Variants in GPC3 observed in about 807,000 individuals in gnomAD.
GPC3 encodes the protein glypican 3.
In GPC3, 3 loss-of-function variants were observed where a neutral mutation model predicts 34.4. That is an observed-to-expected ratio of 0.09 (90% CI 0.04 to 0.23). The LOEUF (loss-of-function observed/expected upper bound fraction) is 0.23. Ranked by LOEUF, GPC3 falls within the 10% of genes least tolerant of loss-of-function variation. GPC3 has a pLI of 1.00. For missense variants in GPC3, 351 were observed against 445.6 expected (o/e 0.79, Z 1.91); for synonymous variants, 177 against 174.0 (o/e 1.02, Z -0.13).
At position 133,921,247 on chromosome X, in the gene GPC3, C is replaced by T. The variant is rs191858999; in HGVS notation, c.337+31803G>A. Reference sequence around the variant, plus strand: ...TTTGGTATTGTTTCTCTCCTCTGGTCTCCGGGCCCCTCTTAGCTCTATTCA... The same window carrying T: ...TTTGGTATTGTTTCTCTCCTCTGGTTTCCGGGCCCCTCTTAGCTCTATTCA... On this transcript the variant is annotated intron_variant, in intron 2 of 7. Transcript: ENST00000370818. Among the ~76,000 whole-genome samples, 78 of 111,669 alleles carry T rather than the reference C, an allele frequency of 7.0e-4. 1 individual carries two copies. The highest frequency in any genetic ancestry group is 2.4e-3 in the African/African-American group (74 of 30,729).
chrX:133,959,564 T>G (rs1304683419), intron 1 of GPC3, among the ~76,000 whole-genome samples: 2 of 112,712 alleles, frequency 1.8e-5, no homozygotes, highest in Non-Finnish European at 3.7e-5. Flanking sequence ...CCCTATCACT[T>G]GCTAGCTGCA....
intron 3 of GPC3, among the ~76,000 whole-genome samples, chrX:133,716,117 G>T (rs1229376025): frequency 8.9e-6 from 1 of 112,252 alleles, no homozygotes; most frequent in Admixed American, 9.4e-5. Flanking sequence ...TACAGAATTG[G>T]TTGAGAAAAG....
At chrX:133,945,152 A>G (rs952132323) in intron 2 of GPC3, among the ~76,000 whole-genome samples, 5 of 111,727 alleles carry the variant, frequency 4.5e-5, no homozygotes, top group African/African-American at 6.5e-5. Flanking sequence ...ACACTTTGGG[A>G]GGCCGAGGCG....
chrX:133,979,894 A>G (rs1241352574), intron 1 of GPC3, among the ~76,000 whole-genome samples: 1 of 111,705 alleles, frequency 9.0e-6, no homozygotes, highest in African/African-American at 3.2e-5. Context: ...ACCCATTTAC[A>G]AGATTGGCTA....
intron 2 of GPC3, among the ~76,000 whole-genome samples, chrX:133,914,630 C>T (rs1265546094): frequency 9.0e-6 from 1 of 110,520 alleles, no homozygotes; most frequent in Non-Finnish European, 1.9e-5. Context: ...AAATGACTTC[C>T]TCAAATGGAC....
chrX:133,750,650 C>A (rs999883100), intron 3 of GPC3, among the ~76,000 whole-genome samples: 4 of 112,328 alleles, frequency 3.6e-5, no homozygotes, highest in African/African-American at 1.3e-4. Context: ...TATCCAGCAC[C>A]TAGCAAAGTG....
chrX:133,557,288 C>T (rs1014342524), intron 7 of GPC3, among the ~76,000 whole-genome samples: 24 of 110,206 alleles, frequency 2.2e-4, no homozygotes, highest in Non-Finnish European at 3.4e-4. Context: ...AGCAAGACTC[C>T]GTCTCAAAAA....
chrX:133,882,939 G>A (rs781020309), intron 2 of GPC3, among the ~76,000 whole-genome samples: 16 of 110,865 alleles, frequency 1.4e-4, no homozygotes, highest in African/African-American at 5.2e-4. Context: ...ATGGCCTAAG[G>A]TCATATCCAT....
intron 2 of GPC3, among the ~76,000 whole-genome samples, chrX:133,764,793 A>AT (rs1228875188): frequency 9.0e-6 from 1 of 111,717 alleles, no homozygotes; most frequent in Non-Finnish European, 1.9e-5. Context: ...GGGGATCAGT[A>AT]TTTTTTGTGC....
At chrX:133,773,749 T>C (rs2071946563) in intron 2 of GPC3, among the ~76,000 whole-genome samples, 1 of 111,911 alleles carries the variant, frequency 8.9e-6, no homozygotes, top group Admixed American at 9.5e-5. Context: ...TGATACATTC[T>C]TTCAGTCCTT....
At chrX:133,583,971 T>G (rs977476691) in intron 7 of GPC3, among the ~76,000 whole-genome samples, 1 of 111,881 alleles carries the variant, frequency 8.9e-6, no homozygotes, top group Non-Finnish European at 1.9e-5. Flanking sequence ...CCCATCTGTC[T>G]GTCTCTTCTC....
chrX:133,552,110 T>C (rs1013073315), intron 7 of GPC3, among the ~76,000 whole-genome samples: 1 of 112,600 alleles, frequency 8.9e-6, no homozygotes, highest in Non-Finnish European at 1.9e-5. Context: ...GGCAGTGAGA[T>C]CTATCTCTGG....
chrX:133,876,493 G>A (rs893092074), intron 2 of GPC3, among the ~76,000 whole-genome samples: 3 of 111,955 alleles, frequency 2.7e-5, no homozygotes, highest in African/African-American at 9.7e-5. Flanking sequence ...TCCAATTTAT[G>A]TCCTATCTAC....
At chrX:133,969,577 A>T (rs2076481235) in intron 1 of GPC3, among the ~76,000 whole-genome samples, 2 of 111,697 alleles carry the variant, frequency 1.8e-5, no homozygotes. Flanking sequence ...TTCTACGTGA[A>T]TCTGAGCCTG....
At chrX:133,642,623 T>C (rs2070491446) in intron 6 of GPC3, among the ~76,000 whole-genome samples, 1 of 108,371 alleles carries the variant, frequency 9.2e-6, no homozygotes, top group Non-Finnish European at 1.9e-5. Context: ...AATACAAAAA[T>C]CAGCTGGGCG....
intron 6 of GPC3, among the ~76,000 whole-genome samples, chrX:133,651,589 C>G (rs919476383): frequency 1.8e-5 from 2 of 111,501 alleles, no homozygotes; most frequent in African/African-American, 6.5e-5. Context: ...TTGCAGCCTA[C>G]TGAGATATTT....
chrX:133,558,788 G>T (rs1006414689), intron 7 of GPC3, among the ~76,000 whole-genome samples: 1 of 108,890 alleles, frequency 9.2e-6, no homozygotes, highest in Non-Finnish European at 1.9e-5. Flanking sequence ...TACTCAGGAG[G>T]CTGAGGCAGG....
intron 6 of GPC3, among the ~76,000 whole-genome samples, chrX:133,620,243 C>A (rs956297919): frequency 9.7e-5 from 10 of 103,504 alleles, no homozygotes; most frequent in African/African-American, 3.6e-4. Context: ...AAAAAAAATT[C>A]TACTCTTTAT....
At chrX:133,549,771 C>T (rs1376805038) in intron 7 of GPC3, among the ~76,000 whole-genome samples, 1 of 97,510 alleles carries the variant, frequency 1.0e-5, no homozygotes, top group Non-Finnish European at 2.1e-5. Flanking sequence ...TTACCTTCCT[C>T]CCTCTCTCTC....
Sources: gnomAD v4.1 joint callset for allele counts (sites outside exome capture counted in the v4.1 genomes callset) on GRCh38, gnomAD v4.1.1 for gene constraint, MANE v1.5 for transcripts, NCBI Gene and HGNC (gene_info 2026-07-23, HGNC 2026-07-21) for gene names.